The following FBN3 variants were observed in gnomAD, a reference collection of about 807,000 sequenced individuals.
FBN3 encodes the protein fibrillin-3.
FBN3 carries 234 observed loss-of-function variants against 330.1 expected under a neutral mutation model. The ratio of observed to expected loss-of-function variants is 0.71; its 90% CI spans 0.64 to 0.79. FBN3 has a LOEUF of 0.79. Among genes scored for constraint, FBN3 ranks in the 30% least tolerant of loss-of-function variants. The pLI is 0.00. For synonymous variants in FBN3, 1,458 were observed against 1,517.3 expected (o/e 0.96, Z 0.91); for missense variants, 3,606 against 3,886.9 (o/e 0.93, Z 1.92).
rs1040552273 is a variant in FBN3, at chr19:8,131,145, G to A, written c.2044+90C>T. On this transcript the variant is annotated intron_variant, in intron 16 of 63. Coordinates refer to ENST00000600128, the MANE Select transcript of FBN3 (RefSeq NM_032447.5). This position sits in a 1 kb window ranked among gnomAD's most constrained non-coding sequence, Gnocchi z 4.5. ...TGGGGCACTTTGTTACGGGAACCCC[G>A]GGCCAACTCCTACAGCCTCCCACCA... 23 of 1,300,016 alleles carry A rather than the reference G, an allele frequency of 1.8e-5. No individual in the cohort carries two copies. Among genetic ancestry groups the A allele is most frequent in the Admixed American group, 2.2e-5 (1 of 45,126 alleles). The allele number at this position is 1,300,016 out of a possible 1,614,324, so 80.5% of individuals were successfully genotyped here.
In FBN3 at chr19:8,116,693, T is replaced by C. The variant is rs769010145; in HGVS notation, c.3693A>G (p.Pro1231=). 31 of 1,612,134 alleles carry C rather than the reference T, an allele frequency of 1.9e-5. No homozygotes were observed. Among genetic ancestry groups the C allele is most frequent in the Admixed American group, 1.0e-4 (6 of 59,920 alleles). The change falls in exon 29 of 64, where the codon CCA becomes CCG. Residue 1231 remains proline, a synonymous_variant. Coordinates refer to ENST00000600128, the MANE Select transcript of FBN3 (RefSeq NM_032447.5). ...CLCYDGFMAT[P]DMRTCVDVDE... The stretch of plus-strand genomic sequence containing the variant: ...CCTCACCAACACATGTCCTCATGTC[T>C]GGCGTGGCCATGAAGCCATCATAGC...
In FBN3 at chr19:8,091,467, A is replaced by G. The variant is rs758038417; in HGVS notation, c.6029T>C (p.Phe2010Ser). ...CCCTAAGCCCTGTGTGGACTTACCA[A>G]AGCAACGGTGCCCATTGTCAGAGAG... ...FVLSDNGHRCFDTRQSFCFTR... is the reference protein window; with the variant it reads ...FVLSDNGHRCSDTRQSFCFTR... The change falls in exon 48 of 64, where the codon TTT (phenylalanine) becomes TCT (serine). Residue 2010 changes from phenylalanine to serine, a missense_variant and splice_region_variant. By Grantham distance (155) the Phe-to-Ser change is radical (BLOSUM62 -2). Coordinates refer to ENST00000600128, the MANE Select transcript of FBN3 (RefSeq NM_032447.5). 8.7e-6 allele frequency: 14 copies of G among 1,614,018 alleles called. No homozygotes were observed. The highest frequency in any genetic ancestry group is 1.2e-5 in the Non-Finnish European group (14 of 1,180,022).
intron 55 of FBN3, among the ~76,000 whole-genome samples, chr19:8,085,966 ACAGTGGGAGGGACAGG>A (rs1286846035): frequency 1.2e-4 from 13 of 104,338 alleles, no homozygotes; most frequent in East Asian, 2.5e-4. Flanking sequence ...GGGCTCCCAG[ACAGTGGGAGGGACAGG>A]CAGTGGGAGG....
intron 62 of FBN3, among the ~76,000 whole-genome samples, 172 bp from the exon 63 acceptor site, chr19:8,072,370 A>G (rs1211031845): frequency 6.6e-6 from 1 of 152,118 alleles, no homozygotes; most frequent in Admixed American, 6.5e-5. Context: ...TGTGTGCACC[A>G]CATAAGGGTG....
intron 63 of FBN3, 94 bp downstream of exon 63, chr19:8,071,954 T>TG (rs376082842): frequency 2.2e-5 from 29 of 1,298,442 alleles, no homozygotes; most frequent in East Asian, 2.6e-5. Context: ...TGCTCCTTCT[T>TG]GGGGGGGCTG....
intron 24 of FBN3, 122 bp downstream of exon 24, chr19:8,123,341 TA>T: frequency 1.8e-6 from 2 of 1,113,628 alleles, no homozygotes; most frequent in Non-Finnish European, 1.2e-6. Flanking sequence ...ATAACAAGAG[TA>T]AAACTCCGTC....
chr19:8,111,218 G>A (rs759161299), intron 32 of FBN3, 35 bp from the exon 33 acceptor site: 32 of 1,560,200 alleles, frequency 2.1e-5, no homozygotes, highest in African/African-American at 4.0e-5. Flanking sequence ...GCTGGAGGCC[G>A]GTGGACCAGG....
chr19:8,130,872 G>A (rs2083130511), intron 16 of FBN3, among the ~76,000 whole-genome samples: 1 of 151,210 alleles, frequency 6.6e-6, no homozygotes. Flanking sequence ...AGGGTGGGGG[G>A]AGTTTTGGAC....
Position 8,121,152 on chromosome 19 carries a change from C to G in FBN3, c.3211+106G>C. The stretch of plus-strand genomic sequence containing the variant: ...AATTTACAGCTCCTCCCTCCTCCTG[C>G]CCCCTCCATCCACGTCCACACAGCA... On this transcript the variant is annotated intron_variant, in intron 25 of 63. Coordinates refer to ENST00000600128, the MANE Select transcript of FBN3 (RefSeq NM_032447.5). This position sits in a 1 kb window ranked among gnomAD's most constrained non-coding sequence, Gnocchi z 4.5. 7 of 1,083,518 alleles carry G rather than the reference C, an allele frequency of 6.5e-6. No homozygotes were observed. The highest frequency in any genetic ancestry group is 1.6e-5 in the South Asian group (1 of 63,230). 67.1% of individuals were successfully genotyped at this position (1,083,518 alleles called of 1,614,324 possible). A position where few individuals can be genotyped will look rare whatever the true frequency, so the allele number is the denominator to read the frequency against.
chr19:8,116,509 T>G (rs1007959984), intron 29 of FBN3, among the ~76,000 whole-genome samples, 165 bp downstream of exon 29: 1 of 152,224 alleles, frequency 6.6e-6, no homozygotes, highest in Non-Finnish European at 1.5e-5. Context: ...GGGACCCTTA[T>G]GTGGAGAAGC....
chr19:8,131,431 C>A lies in FBN3; in HGVS notation c.1990+123G>T. The A allele has an allele frequency of 6.8e-7, 1 of 1,466,916 alleles. No individual in the cohort carries two copies. Among genetic ancestry groups the A allele is most frequent in the Non-Finnish European group, 9.3e-7 (1 of 1,072,504 alleles). The allele number at this position is 1,466,916 out of a possible 1,614,324, so 90.9% of individuals were successfully genotyped here. On this transcript the variant is annotated intron_variant, in intron 15 of 63. Coordinates refer to ENST00000600128, the MANE Select transcript of FBN3 (RefSeq NM_032447.5). The surrounding 1 kb of genome is among the most constrained non-coding windows in gnomAD (Gnocchi z 4.5). ...TCCAACCCCGGGGAGGGAGCAACTC[C>A]CTTCAGCCTCTTTTTGGGAAGAGCC...
rs113687270 is a variant in FBN3, at chr19:8,098,504, A to C, written c.5162-1090T>G. ...GTCCATCAGTGGGGGACTGGAAACA[A>C]ACTAAGTGTCCATCAGTGGGGGACT... On this transcript the variant is annotated intron_variant, in intron 41 of 63. Coordinates refer to ENST00000600128, the MANE Select transcript of FBN3 (RefSeq NM_032447.5). 2.2e-5 allele frequency among the ~76,000 whole-genome samples: 3 copies of C among 133,768 alleles called. No individual in the cohort carries two copies. The East Asian group carries it at 6.1e-4, about 27-fold the overall frequency. 87.8% of individuals were successfully genotyped at this position (133,768 alleles called of 152,430 possible).
chr19:8,128,321 T>C (rs1270584499), intron 18 of FBN3, among the ~76,000 whole-genome samples: 1 of 152,048 alleles, frequency 6.6e-6, no homozygotes, highest in Non-Finnish European at 1.5e-5. Flanking sequence ...CCCAGCACTT[T>C]GGGAGGCTGA....
In FBN3 at chr19:8,102,758, A is replaced by G. The variant is rs1339354987; in HGVS notation, c.5055T>C (p.Asn1685=). ...CCSYNIGQAW[N]RPCEACPTPI... ...GAGTGGGGCAGGCCTCACAGGGTCT[A>G]TTCCAGGCCTGGCCAATGTTGTAGG... Residue 1685 remains asparagine, a synonymous_variant, in exon 40 of 64, where the codon AAT becomes AAC. Coordinates refer to ENST00000600128, the MANE Select transcript of FBN3 (RefSeq NM_032447.5). 5 of 1,614,032 alleles carry G rather than the reference A, an allele frequency of 3.1e-6. No homozygotes were observed. Among genetic ancestry groups the G allele is most frequent in the East Asian group, 2.2e-5 (1 of 44,872 alleles).
rs564908506 is a variant in FBN3 at position 8,097,406 on chromosome 19, C to T, written c.5170G>A (p.Glu1724Lys). ...CAGATGGCGGGGATCTCCCCACACTCATCAATGTCTGCAGAAGGCATCTGC... is the reference window on the plus strand; with the variant it reads ...CAGATGGCGGGGATCTCCCCACACTTATCAATGTCTGCAGAAGGCATCTGC... ...IHTGKPLDID[E>K]CGEIPAICAN... The change falls in exon 42 of 64, where the codon GAG becomes AAG. Residue 1724 changes from glutamate to lysine, a missense_variant. Physicochemically the swap from Glu to Lys is moderately conservative, Grantham distance 56. Coordinates refer to ENST00000600128, the MANE Select transcript of FBN3 (RefSeq NM_032447.5). 4 of 1,591,684 alleles carry T rather than the reference C, an allele frequency of 2.5e-6. No individual in the cohort carries two copies. The South Asian group carries it at 4.4e-5, about 18-fold the overall frequency.
intron 63 of FBN3, among the ~76,000 whole-genome samples, chr19:8,068,576 C>A (rs2081442025): frequency 6.6e-6 from 1 of 151,572 alleles, no homozygotes; most frequent in Admixed American, 6.6e-5. Context: ...GGTACATGTA[C>A]CTGTGGTCTC....
At chr19:8,108,386 C>G in intron 36 of FBN3, 148 bp from the exon 37 acceptor site, 2 of 619,998 alleles carry the variant, frequency 3.2e-6, no homozygotes, top group Non-Finnish European at 5.6e-6. Context: ...TCTCTTTAGC[C>G]TCTTGGGGCC....
intron 26 of FBN3, among the ~76,000 whole-genome samples, chr19:8,118,265 TACAC>T (rs138268398): frequency 6.6e-6 from 1 of 151,198 alleles, no homozygotes; most frequent in Admixed American, 6.6e-5. Flanking sequence ...CACATTCTCT[TACAC>T]ACACACACAC....
intron 24 of FBN3, 98 bp downstream of exon 24, chr19:8,123,366 G>A (rs10419582): frequency 0.28 from 328,043 of 1,168,404 alleles, 35,798 homozygotes; most frequent in African/African-American, 0.57. Context: ...AAAAAAAAAA[G>A]AAGAAGAAAA....
Sources: allele counts gnomAD v4.1 joint callset (sites outside exome capture counted in the v4.1 genomes callset), GRCh38; gene constraint gnomAD v4.1.1; non-coding constraint Gnocchi (gnomAD v3.1); transcripts MANE v1.5; gene names NCBI Gene and HGNC (gene_info 2026-07-23, HGNC 2026-07-21).